Variants in NREP observed in about 807,000 individuals in gnomAD.
NREP encodes neuronal regeneration-related protein.
NREP carries 5 observed loss-of-function variants against 8.6 expected under a neutral mutation model. That is an observed-to-expected ratio of 0.58 (90% confidence interval 0.30 to 1.22). The LOEUF is 1.22. Among genes scored for constraint, NREP ranks in the 50% most tolerant of loss-of-function variants. NREP has a pLI of 0.07. For missense variants in NREP, 86 were observed against 82.5 expected, an observed-to-expected ratio of 1.04 and a Z score of -0.17; for synonymous variants, 27 against 28.0, an observed-to-expected ratio of 0.96 and a Z score of 0.11.
At chr5:111,807,651 A>G (rs1752171243) in intron 2 of NREP, among the ~76,000 whole-genome samples, 1 of 152,168 alleles carries the variant, frequency 6.6e-6, no homozygotes, top group Non-Finnish European at 1.5e-5. Flanking sequence ...AGAAACCCTA[A>G]AGAGACTTAG....
chr5:111,800,290 G>A (rs1322021473), intron 2 of NREP, among the ~76,000 whole-genome samples: 1 of 152,174 alleles, frequency 6.6e-6, no homozygotes, highest in African/African-American at 2.4e-5. Context: ...ATTATTTAAA[G>A]AATTTCATTA....
upstream of NREP, chr5:111,757,371 T>C (rs1750790317): frequency 6.3e-6 from 6 of 945,502 alleles, no homozygotes; most frequent in Non-Finnish European, 7.6e-6. Flanking sequence ...GGAGATCATC[T>C]CCCTGCCTCG....
intron 2 of NREP, among the ~76,000 whole-genome samples, chr5:111,882,891 A>G (rs1347000249): frequency 6.6e-6 from 1 of 152,290 alleles, no homozygotes; most frequent in Non-Finnish European, 1.5e-5. Context: ...GGTAAAGACC[A>G]TCGAGGCTAG....
chr5:111,792,398 T>G (rs1161870947), intron 2 of NREP, among the ~76,000 whole-genome samples: 2 of 152,212 alleles, frequency 1.3e-5, no homozygotes. Flanking sequence ...ATAAAATGAT[T>G]GGAAGAGGTT....
rs567817065 is a variant in NREP, at chr5:111,940,657, A to G, written c.135+34617T>C. 5.3e-5 allele frequency among the ~76,000 whole-genome samples: 8 copies of G among 152,168 alleles called. No homozygotes were observed. The East Asian group carries it at 1.4e-3, about 26-fold the overall frequency. On this transcript the variant is annotated intron_variant, in intron 2 of 3. Coordinates refer to the NREP transcript ENST00000395634. ...TGGGCCCCGACTCTGAAGACAGAGA[A>G]GAGAGGCAGGTGACCTCATGCAAAC...
intron 2 of NREP, among the ~76,000 whole-genome samples, chr5:111,864,705 T>C (rs1432973952): frequency 6.6e-6 from 1 of 152,014 alleles, no homozygotes; most frequent in Non-Finnish European, 1.5e-5. Context: ...AAATGGATTA[T>C]CAGGAAAAAA....
At chr5:111,861,170 C>T (rs1018102726) in intron 2 of NREP, among the ~76,000 whole-genome samples, 1 of 152,146 alleles carries the variant, frequency 6.6e-6, no homozygotes, top group African/African-American at 2.4e-5. Flanking sequence ...ACCTCAGGTA[C>T]AGAGATCAGG....
intron 2 of NREP, among the ~76,000 whole-genome samples, chr5:111,964,827 C>A (rs1756587241): frequency 9.4e-6 from 1 of 106,300 alleles, no homozygotes; most frequent in African/African-American, 3.7e-5. Context: ...GGAAGGTGCA[C>A]ATAGTCTACT....
At chr5:111,871,191 C>A (rs764777067) in intron 2 of NREP, among the ~76,000 whole-genome samples, 16 of 151,910 alleles carry the variant, frequency 1.1e-4, no homozygotes, top group Non-Finnish European at 1.5e-4. Flanking sequence ...AGTATATAGC[C>A]CACTACCCAC....
rs552212392 is a variant in NREP, at chr5:111,930,765, C to T, written c.135+44509G>A. Among the ~76,000 whole-genome samples, 199 of 152,288 alleles carry T rather than the reference C, an allele frequency of 1.3e-3. 2 individuals are homozygous for T. Among genetic ancestry groups the T allele is most frequent in the African/African-American group, 4.7e-3 (194 of 41,566 alleles). On this transcript the variant is annotated intron_variant, in intron 2 of 3. Transcript: ENST00000395634. ...AGGCATACATCTCTGGTCTAAGTCA[C>T]TCACAGCAGTCTCTCTCCTCTTGCC...
intron 2 of NREP, among the ~76,000 whole-genome samples, chr5:111,775,655 T>C (rs999044917): frequency 6.6e-6 from 1 of 152,132 alleles, no homozygotes; most frequent in Non-Finnish European, 1.5e-5. Flanking sequence ...TTAAGATACA[T>C]CTTACAGGTG....
intron 2 of NREP, among the ~76,000 whole-genome samples, chr5:111,779,563 G>C (rs1751443959): frequency 6.6e-6 from 1 of 152,146 alleles, no homozygotes; most frequent in Admixed American, 6.5e-5. Context: ...GAGAGGCTTA[G>C]GTCAAACTCT....
chr5:111,916,479 AC>A (rs984879130), intron 2 of NREP, among the ~76,000 whole-genome samples: 20 of 152,212 alleles, frequency 1.3e-4, no homozygotes, highest in African/African-American at 4.8e-4. Flanking sequence ...TAGATGGAGT[AC>A]CCTATCATCA....
chr5:111,734,865 T>C, intron 3 of NREP: 1 of 456,004 alleles, frequency 2.2e-6, no homozygotes, highest in Non-Finnish European at 3.9e-6. Flanking sequence ...TTGTTATTGT[T>C]TGTTTCAGAA....
chr5:111,971,613 C>T (rs1756820479), intron 2 of NREP, among the ~76,000 whole-genome samples: 1 of 152,050 alleles, frequency 6.6e-6, no homozygotes, highest in Non-Finnish European at 1.5e-5. Flanking sequence ...TTCAAGAATA[C>T]ATAATGGGGA....
chr5:111,902,762 T>C (rs1268741060), intron 2 of NREP, among the ~76,000 whole-genome samples: 1 of 152,126 alleles, frequency 6.6e-6, no homozygotes, highest in East Asian at 1.9e-4. Context: ...CATGACAATG[T>C]TCCTGCTCCT....
chr5:111,878,725 A>C (rs1390585778), intron 2 of NREP, among the ~76,000 whole-genome samples: 2 of 152,202 alleles, frequency 1.3e-5, no homozygotes, highest in Non-Finnish European at 2.9e-5. Context: ...GTCGACAGTC[A>C]GATAGGCCTG....
chr5:111,895,073 T>G (rs773075145), intron 2 of NREP, among the ~76,000 whole-genome samples: 1 of 152,252 alleles, frequency 6.6e-6, no homozygotes, highest in South Asian at 2.1e-4. Flanking sequence ...ACTAGGAATA[T>G]TGACAAAATA....
intron 2 of NREP, among the ~76,000 whole-genome samples, chr5:111,903,670 CT>C (rs1296318318): frequency 1.3e-5 from 2 of 151,892 alleles, no homozygotes; most frequent in Non-Finnish European, 2.9e-5. Context: ...GACACTGAGT[CT>C]TTTTTTGATG....
Sources: gnomAD v4.1 joint callset for allele counts (sites outside exome capture counted in the v4.1 genomes callset) on GRCh38, gnomAD v4.1.1 for gene constraint, MANE v1.5 for transcripts, NCBI Gene and HGNC (gene_info 2026-07-23, HGNC 2026-07-21) for gene names.